The following MAST4 variants were observed in gnomAD, a reference collection of about 807,000 sequenced individuals.
MAST4 encodes microtubule-associated serine/threonine-protein kinase 4.
A neutral mutation model predicts 162.7 loss-of-function variants in MAST4; 89 were observed. That is an observed-to-expected ratio of 0.55 (90% CI 0.46 to 0.65). The LOEUF (loss-of-function observed/expected upper bound fraction) is 0.65, where lower values mean the gene tolerates loss of function less well. MAST4 is among the 30% of genes least tolerant of loss of function. The pLI is 0.00. For missense variants in MAST4, 3,153 were observed against 3,374.0 expected (o/e 0.93, Z 1.62); for synonymous variants, 1,479 against 1,361.1 (o/e 1.09, Z -1.91).
At chr5:66,652,814 G>C (rs1481747806) in intron 1 of MAST4, among the ~76,000 whole-genome samples, 1 of 152,082 alleles carries the variant, frequency 6.6e-6, no homozygotes, top group Non-Finnish European at 1.5e-5. Flanking sequence ...GCTTTCTTTA[G>C]GTTCCTCTTT....
At chr5:66,677,927 C>T (rs79936387) in intron 1 of MAST4, among the ~76,000 whole-genome samples, 2 of 152,228 alleles carry the variant, frequency 1.3e-5, no homozygotes, top group African/African-American at 4.8e-5. Flanking sequence ...CGCATCCAAT[C>T]CCTCCCCCTC....
intron 2 of MAST4, 63 bp from the exon 3 acceptor site, chr5:66,788,607 C>CCAAACA: frequency 5.8e-6 from 8 of 1,373,682 alleles, no homozygotes; most frequent in Non-Finnish European, 8.1e-6. Flanking sequence ...CCCCCACCCC[C>CCAAACA]ATTGCAATAA....
In MAST4 at chr5:67,121,103, G is replaced by C; in HGVS notation, c.1745+1G>C. 6.3e-7 allele frequency: 1 copy of C among 1,596,784 alleles called. No homozygotes were observed. Among genetic ancestry groups the C allele is most frequent in the Non-Finnish European group, 8.6e-7 (1 of 1,169,326 alleles). ...AATTGATTAGCAATGGAGCCTATGG[G>C]TGAGTAATTCAAGAAAAGCTCTCTA... On this transcript the variant is annotated splice_donor_variant, in intron 14 of 28. Coordinates refer to ENST00000403625, the MANE Select transcript of MAST4 (RefSeq NM_001164664.2). LOFTEE classifies it high-confidence loss of function.
intron 2 of MAST4, among the ~76,000 whole-genome samples, chr5:66,784,831 C>A (rs975202661): frequency 6.6e-6 from 1 of 152,124 alleles, no homozygotes; most frequent in Non-Finnish European, 1.5e-5. Context: ...ATCTTATCTG[C>A]CACTTTGTAA....
intron 4 of MAST4, among the ~76,000 whole-genome samples, chr5:66,991,390 A>G (rs1750053142): frequency 6.6e-6 from 1 of 152,218 alleles, no homozygotes; most frequent in African/African-American, 2.4e-5. Context: ...GATGAGTGTT[A>G]GACTCACCCA....
intron 4 of MAST4, among the ~76,000 whole-genome samples, chr5:67,024,278 C>G (rs982096912): frequency 4.0e-5 from 6 of 150,150 alleles, no homozygotes; most frequent in South Asian, 2.1e-4. Flanking sequence ...TCCACACACA[C>G]GATGGAACAC....
intron 3 of MAST4, among the ~76,000 whole-genome samples, chr5:66,833,205 T>C (rs1757735575): frequency 2.0e-5 from 3 of 152,180 alleles, no homozygotes. Flanking sequence ...CACAACGTTG[T>C]CATCTCTGTA....
At chr5:67,023,585 A>G (rs1360761512) in intron 4 of MAST4, among the ~76,000 whole-genome samples, 1 of 152,158 alleles carries the variant, frequency 6.6e-6, no homozygotes, top group Non-Finnish European at 1.5e-5. Context: ...TTATTTAGAC[A>G]GAGCCAAATG....
intron 26 of MAST4, among the ~76,000 whole-genome samples, chr5:67,158,469 G>A (rs1167357289): frequency 6.6e-6 from 1 of 152,042 alleles, no homozygotes; most frequent in Non-Finnish European, 1.5e-5. Context: ...CTACTCAGAG[G>A]GTGAGGCAGG....
intron 1 of MAST4, among the ~76,000 whole-genome samples, chr5:66,680,123 A>G (rs1026433754): frequency 6.6e-6 from 1 of 152,152 alleles, no homozygotes; most frequent in African/African-American, 2.4e-5. Context: ...ATTTGAAAAG[A>G]TGCACTTAGA....
At chr5:66,670,755 T>TA (rs536726515) in intron 1 of MAST4, among the ~76,000 whole-genome samples, 4 of 44,080 alleles carry the variant, frequency 9.1e-5, no homozygotes, top group Non-Finnish European at 1.9e-4. Context: ...GTAAGCATGA[T>TA]TTTTTTTTTT....
intron 4 of MAST4, among the ~76,000 whole-genome samples, chr5:67,045,602 C>G (rs1161006856): frequency 6.6e-6 from 1 of 152,144 alleles, no homozygotes; most frequent in African/African-American, 2.4e-5. Context: ...TACTGTACCT[C>G]TATGTTTAGA....
intron 3 of MAST4, among the ~76,000 whole-genome samples, chr5:66,898,629 G>A (rs1762829261): frequency 6.6e-6 from 1 of 152,114 alleles, no homozygotes; most frequent in South Asian, 2.1e-4. Flanking sequence ...AAAACAAAAA[G>A]CACTTTACCA....
intron 4 of MAST4, chr5:67,004,958 G>T: frequency 1.3e-6 from 1 of 744,348 alleles, no homozygotes; most frequent in Non-Finnish European, 2.5e-6. Flanking sequence ...TTAGTCATAT[G>T]GCCTTGAACC....
intron 1 of MAST4, among the ~76,000 whole-genome samples, chr5:66,728,086 C>T (rs2149549880): frequency 6.6e-6 from 1 of 152,244 alleles, no homozygotes; most frequent in African/African-American, 2.4e-5. Flanking sequence ...AATGAGACAA[C>T]ATGCAGAAAG....
At chr5:67,103,300 G>A (rs1013090757) in intron 9 of MAST4, among the ~76,000 whole-genome samples, 1 of 152,254 alleles carries the variant, frequency 6.6e-6, no homozygotes, top group African/African-American at 2.4e-5. Flanking sequence ...ACGTTTTTCC[G>A]ATCCACCCCC....
chr5:66,666,611 A>C (rs1448468208), intron 1 of MAST4, among the ~76,000 whole-genome samples: 1 of 152,232 alleles, frequency 6.6e-6, no homozygotes, highest in Non-Finnish European at 1.5e-5. Context: ...GGAGTGTCTC[A>C]TCTAATAGAA....
At chr5:67,134,454 C>CT (rs1461769853) in intron 17 of MAST4, 69 bp from the exon 18 acceptor site, 1 of 1,433,402 alleles carries the variant, frequency 7.0e-7, no homozygotes, top group African/African-American at 1.4e-5. Flanking sequence ...TAATTGGTGA[C>CT]TAGCCATCTT....
At chr5:66,907,930 T>C (rs1332983509) in intron 4 of MAST4, among the ~76,000 whole-genome samples, 1 of 152,038 alleles carries the variant, frequency 6.6e-6, no homozygotes, top group African/African-American at 2.4e-5. Flanking sequence ...GCATTTTCTG[T>C]CCTCCCACCC....
Sources: allele counts gnomAD v4.1 joint callset (sites outside exome capture counted in the v4.1 genomes callset), GRCh38; gene constraint gnomAD v4.1.1; transcripts MANE v1.5; gene names NCBI Gene and HGNC (gene_info 2026-07-23, HGNC 2026-07-21).